Variants in PSD3 observed in about 807,000 individuals in gnomAD.
PSD3 encodes the protein PH and SEC7 domain-containing protein 3.
In PSD3, 49 loss-of-function variants were observed where a neutral mutation model predicts 105.5. That is an observed-to-expected ratio of 0.46 (90% CI 0.37 to 0.59). The LOEUF (loss-of-function observed/expected upper bound fraction) is 0.59. Ranked by LOEUF, PSD3 falls within the 20% of genes least tolerant of loss-of-function variation. The probability of loss-of-function intolerance (pLI) is 0.00; values close to 1 mark genes in which losing one functional copy is unlikely to be tolerated. For missense variants in PSD3, 1,561 were observed against 1,263.8 expected (o/e 1.24, Z -3.57); for synonymous variants, 557 against 457.8 (o/e 1.22, Z -2.77).
At chr8:18,899,346 G>A (rs756622435) in intron 2 of PSD3, among the ~76,000 whole-genome samples, 1 of 152,012 alleles carries the variant, frequency 6.6e-6, no homozygotes, top group Non-Finnish European at 1.5e-5. Flanking sequence ...TAAATCCTGT[G>A]AAGTCCTGCA....
At chr8:18,725,338 T>C (rs775061276) in intron 9 of PSD3, among the ~76,000 whole-genome samples, 3 of 152,128 alleles carry the variant, frequency 2.0e-5, no homozygotes, top group Non-Finnish European at 4.4e-5. Context: ...AAGGAGAAAA[T>C]ATAAGTAGGA....
chr8:18,931,457 T>C (rs1821743114), intron 2 of PSD3, among the ~76,000 whole-genome samples: 1 of 152,186 alleles, frequency 6.6e-6, no homozygotes, highest in Non-Finnish European at 1.5e-5. Flanking sequence ...TAAATCATCA[T>C]AAAGAGAAAA....
chr8:18,718,338 C>T (rs931980160), intron 9 of PSD3, among the ~76,000 whole-genome samples: 2 of 152,124 alleles, frequency 1.3e-5, no homozygotes, highest in Non-Finnish European at 2.9e-5. Flanking sequence ...TTTACTTTTC[C>T]CCATAGGGAA....
chr8:18,809,011 C>G, intron 4 of PSD3: 1 of 1,111,814 alleles, frequency 9.0e-7, no homozygotes, highest in African/African-American at 1.6e-5. Flanking sequence ...ACACAAGGGC[C>G]ACTGTCTATC....
chr8:18,564,516 C>A (rs1318718205), intron 14 of PSD3, among the ~76,000 whole-genome samples: 2 of 151,740 alleles, frequency 1.3e-5, no homozygotes, highest in Non-Finnish European at 2.9e-5. Flanking sequence ...GTAATCCCAG[C>A]TACTTGGGAG....
At chr8:18,856,576 A>G (rs1355184309) in intron 4 of PSD3, among the ~76,000 whole-genome samples, 5 of 152,228 alleles carry the variant, frequency 3.3e-5, no homozygotes, top group East Asian at 1.9e-4. Flanking sequence ...TAACTATTCA[A>G]TACATCTTAT....
chr8:18,803,640 G>C (rs1176850221), intron 6 of PSD3, among the ~76,000 whole-genome samples: 1 of 152,026 alleles, frequency 6.6e-6, no homozygotes, highest in African/African-American at 2.4e-5. Context: ...TATGCTACAA[G>C]AATGAACCTT....
chr8:18,830,413 T>C (rs17127274), intron 4 of PSD3, among the ~76,000 whole-genome samples: 6,299 of 152,290 alleles, frequency 0.041, 129 homozygotes, highest in Admixed American at 0.069. Flanking sequence ...ACCAGACTCA[T>C]TGTGGGTGAC....
intron 10 of PSD3, among the ~76,000 whole-genome samples, chr8:18,653,779 C>T (rs986541618): frequency 2.6e-5 from 4 of 151,236 alleles, no homozygotes; most frequent in African/African-American, 9.7e-5. Flanking sequence ...AAAAAAAAAA[C>T]CTAGATTTAC....
chr8:18,779,276 G>C (rs1234013757), intron 8 of PSD3, among the ~76,000 whole-genome samples: 1 of 151,748 alleles, frequency 6.6e-6, no homozygotes, highest in Non-Finnish European at 1.5e-5. Context: ...TTCTATTTTT[G>C]TGGGATATAA....
chr8:18,664,580 A>G (rs958487596), intron 9 of PSD3, among the ~76,000 whole-genome samples: 3 of 152,258 alleles, frequency 2.0e-5, no homozygotes, highest in Non-Finnish European at 4.4e-5. Flanking sequence ...GCAACCGGTG[A>G]TGGAGAAGCT....
At chr8:19,076,772 T>C (rs1829474492) in intron 1 of PSD3, among the ~76,000 whole-genome samples, 1 of 152,106 alleles carries the variant, frequency 6.6e-6, no homozygotes, top group African/African-American at 2.4e-5. Flanking sequence ...GCTTCCTCCC[T>C]CCCTTCCTCC....
At chr8:18,875,820 A>T (rs1239780218) in intron 2 of PSD3, among the ~76,000 whole-genome samples, 1 of 152,204 alleles carries the variant, frequency 6.6e-6, no homozygotes, top group Admixed American at 6.5e-5. Context: ...TACAGGCGTG[A>T]GCCATGGCGC....
At chr8:18,813,876 T>C (rs575896111) in intron 4 of PSD3, among the ~76,000 whole-genome samples, 35 of 152,270 alleles carry the variant, frequency 2.3e-4, no homozygotes, top group Admixed American at 1.0e-3. Context: ...TGGCATACGG[T>C]AAACAAAAAA....
rs1466303510 is a variant in PSD3 at position 18,578,300 on chromosome 8, C to T, written c.2482-3015G>A. Among the ~76,000 whole-genome samples, 7 of 152,054 alleles carry T rather than the reference C, an allele frequency of 4.6e-5. No individual in the cohort carries two copies. The South Asian group carries it at 1.0e-3, about 22-fold the overall frequency. ...AACCATTCACTTGGGTTGATAATTG[C>T]TGACAAAACTAATAAACATAGTTGT... On this transcript the variant is annotated intron_variant, in intron 12 of 15. Coordinates refer to ENST00000327040, the MANE Select transcript of PSD3 (RefSeq NM_015310.4).
intron 2 of PSD3, among the ~76,000 whole-genome samples, chr8:18,876,836 A>C (rs1309373305): frequency 6.6e-6 from 1 of 152,202 alleles, no homozygotes; most frequent in African/African-American, 2.4e-5. Context: ...TCCTACAAGC[A>C]ATGTCTAAGA....
At chr8:18,944,346 G>C (rs1822730354) in intron 1 of PSD3, among the ~76,000 whole-genome samples, 1 of 152,188 alleles carries the variant, frequency 6.6e-6, no homozygotes, top group Non-Finnish European at 1.5e-5. Flanking sequence ...AAGGCGGGCA[G>C]ATGACCGGAG....
intron 9 of PSD3, among the ~76,000 whole-genome samples, chr8:18,664,639 T>C (rs1443312377): frequency 3.3e-5 from 5 of 152,234 alleles, no homozygotes; most frequent in African/African-American, 9.6e-5. Flanking sequence ...TGAAGGTGGC[T>C]ATACTAAACA....
intron 9 of PSD3, among the ~76,000 whole-genome samples, chr8:18,754,193 G>A (rs897981506): frequency 3.3e-5 from 5 of 152,162 alleles, no homozygotes; most frequent in Admixed American, 2.0e-4. Flanking sequence ...GGATCAGCCT[G>A]ACCAATATGG....
Sources: gnomAD v4.1 joint callset for allele counts (sites outside exome capture counted in the v4.1 genomes callset) on GRCh38, gnomAD v4.1.1 for gene constraint, MANE v1.5 for transcripts, NCBI Gene and HGNC (gene_info 2026-07-23, HGNC 2026-07-21) for gene names.